Variants in ST13 observed in about 807,000 individuals in gnomAD.
The protein encoded by ST13 is hsc70-interacting protein.
In ST13, 23 loss-of-function variants were observed where a neutral mutation model predicts 56.7. The observed-to-expected ratio is 0.41, with a 90% confidence interval of 0.29 to 0.57. The LOEUF is 0.57. Ranked by LOEUF, ST13 falls within the 20% of genes least tolerant of loss-of-function variation. The pLI is 0.36. For synonymous variants in ST13, 132 were observed against 142.4 expected (o/e 0.93, Z 0.52); for missense variants, 369 against 459.9 (o/e 0.80, Z 1.81).
intron 2 of ST13, among the ~76,000 whole-genome samples, chr22:40,848,784 G>A (rs1430901777): frequency 6.6e-6 from 1 of 152,148 alleles, no homozygotes; most frequent in Non-Finnish European, 1.5e-5. Flanking sequence ...TTTGAACATT[G>A]ACAATAAACA....
intron 3 of ST13, among the ~76,000 whole-genome samples, chr22:40,846,718 C>A (rs929814649): frequency 1.3e-5 from 2 of 152,188 alleles, no homozygotes; most frequent in Non-Finnish European, 2.9e-5. Context: ...TCAGGCCAGG[C>A]GTGGTGGCTC....
At chr22:40,827,004 A>T (rs1332059267) in intron 11 of ST13, 92 bp downstream of exon 11, 1 of 1,386,630 alleles carries the variant, frequency 7.2e-7, no homozygotes, top group Non-Finnish European at 9.8e-7. Flanking sequence ...ATAAATAAAA[A>T]ATAGCTATGA....
At chr22:40,852,527 A>AT (rs1351522392) in intron 1 of ST13, among the ~76,000 whole-genome samples, 1 of 152,214 alleles carries the variant, frequency 6.6e-6, no homozygotes, top group African/African-American at 2.4e-5. Context: ...AAAAGTATAA[A>AT]TGCAAAGTAG....
rs755652836 is a variant in ST13 at position 40,856,564 on chromosome 22, TG to T, written c.-25del. 2 of 1,592,586 alleles carry T rather than the reference TG, an allele frequency of 1.3e-6. No homozygotes were observed. The highest frequency in any genetic ancestry group is 8.6e-7 in the Non-Finnish European group (1 of 1,162,956). The stretch of plus-strand genomic sequence containing the variant: ...ATGGTAGGGAGGTGGTGGGCGAAAC[TG>T]GGGGGGCTACGGCCCGGTTCCAGGC... On this transcript the variant is annotated 5_prime_UTR_variant, in exon 1 of 12. Coordinates refer to ENST00000216218, the MANE Select transcript of ST13 (RefSeq NM_003932.5).
intron 1 of ST13, among the ~76,000 whole-genome samples, chr22:40,852,880 C>T (rs948880421): frequency 6.6e-6 from 1 of 152,092 alleles, no homozygotes; most frequent in Non-Finnish European, 1.5e-5. Flanking sequence ...TGTGTTCTTC[C>T]TAAGTTTCAA....
rs1479877123 is a variant in ST13, at chr22:40,856,617, CAGA to C, written c.-80_-78del. The C allele has an allele frequency of 8.5e-6, 10 of 1,171,578 alleles. No homozygotes were observed. The highest frequency in any genetic ancestry group is 5.1e-6 in the Non-Finnish European group (4 of 788,876). 72.6% of individuals were successfully genotyped at this position (1,171,578 alleles called of 1,614,324 possible). ...CAGGCGCTGGCTCGGCGTGACCGCG[CAGA>C]AGGGGGCGGCTGCCGCAAGACAGAA... On this transcript the variant is annotated 5_prime_UTR_variant, in exon 1 of 12. Coordinates refer to ENST00000216218, the MANE Select transcript of ST13 (RefSeq NM_003932.5).
intron 1 of ST13, among the ~76,000 whole-genome samples, chr22:40,855,018 G>A (rs926903707): frequency 1.8e-4 from 28 of 152,068 alleles, no homozygotes; most frequent in African/African-American, 6.8e-4. Context: ...CAATTGGTGG[G>A]GAGCTAAAAA....
chr22:40,836,926 C>T (rs993294232), intron 5 of ST13, among the ~76,000 whole-genome samples: 3 of 152,136 alleles, frequency 2.0e-5, no homozygotes, highest in African/African-American at 7.2e-5. Flanking sequence ...AGTGATCATC[C>T]CACCTCAGCT....
chr22:40,842,971 C>T (rs1319717953), intron 4 of ST13, among the ~76,000 whole-genome samples: 2 of 152,070 alleles, frequency 1.3e-5, no homozygotes, highest in African/African-American at 4.8e-5. Flanking sequence ...AAATAAAAAA[C>T]TAGCTGGACA....
intron 8 of ST13, chr22:40,832,083 T>C (rs1424619356): frequency 1.4e-5 from 6 of 426,656 alleles, no homozygotes; most frequent in South Asian, 3.4e-5. Context: ...CTTGAACTCC[T>C]GACCTCATGA....
At chr22:40,834,882 C>T (rs944319721) in intron 7 of ST13, among the ~76,000 whole-genome samples, 2 of 152,228 alleles carry the variant, frequency 1.3e-5, no homozygotes, top group African/African-American at 2.4e-5. Flanking sequence ...ACTAGAGCTA[C>T]TCTGAGTCAG....
Position 40,850,831 on chromosome 22 carries a change from T to C in ST13, c.160A>G (p.Asn54Asp). The part of the protein sequence containing the change: ...PATQKAKSEE[N>D]TKEEKPDSKK... ...ATGAAATTAAAACTTACCTTGGTAT[T>C]TTCTTCTGATTTAGCTTTCTGAGTA... The change falls in exon 2 of 12, where the codon AAT becomes GAT. Residue 54 changes from asparagine (N) to aspartate (D), a missense_variant. By Grantham distance (23) the Asn-to-Asp change is conservative. Around this residue, in one of 3 missense-constraint regions of ST13, gnomAD observed 169 missense variants for 175.6 expected, o/e 0.96. Transcript: ENST00000216218. The C allele has an allele frequency of 1.2e-6, 2 of 1,604,414 alleles. No individual in the cohort carries two copies. The highest frequency in any genetic ancestry group is 1.7e-6 in the Non-Finnish European group (2 of 1,175,838).
intron 3 of ST13, among the ~76,000 whole-genome samples, chr22:40,846,238 A>G (rs1024848756): frequency 1.3e-5 from 2 of 152,188 alleles, no homozygotes; most frequent in Non-Finnish European, 2.9e-5. Context: ...GCCTGACCTC[A>G]GGCATACCTC....
At position 40,825,297 on chromosome 22, in the gene ST13, T is replaced by A. The variant is rs1485059572; in HGVS notation, c.*1241A>T. The A allele has an allele frequency of 6.6e-6, 1 of 152,160 alleles. No homozygotes were observed. Among genetic ancestry groups the A allele is most frequent in the Non-Finnish European group, 1.5e-5 (1 of 68,022 alleles). 9.4% of individuals were successfully genotyped at this position (152,160 alleles called of 1,614,324 possible). ...AACTGTGGATTATCTCATTTATAAT[T>A]CACATTGGATAAAAAAAATCGGTTC... On this transcript the variant is annotated 3_prime_UTR_variant, in exon 12 of 12. Coordinates refer to ENST00000216218, the MANE Select transcript of ST13 (RefSeq NM_003932.5).
At chr22:40,827,350 G>A in intron 10 of ST13, 121 bp from the exon 11 acceptor site, 2 of 967,124 alleles carry the variant, frequency 2.1e-6, no homozygotes, top group Non-Finnish European at 3.1e-6. Context: ...AGTCTGAAGA[G>A]TCTGAAAATT....
chr22:40,836,976 T>G (rs1197794921), intron 5 of ST13, among the ~76,000 whole-genome samples: 1 of 152,084 alleles, frequency 6.6e-6, no homozygotes, highest in Non-Finnish European at 1.5e-5. Context: ...ACACTAAACC[T>G]GGCTAATTAA....
In ST13 at chr22:40,844,293, GCTATTA is replaced by G. The variant is rs1382170109; in HGVS notation, c.315+540_315+545del. ...GGATAAAAACCAATCTTTTAAAACT[GCTATTA>G]CTATATTAGAGTGTTTCTCAAATTT... On this transcript the variant is annotated intron_variant, in intron 4 of 11. Transcript: ENST00000216218. 2.6e-5 allele frequency among the ~76,000 whole-genome samples: 4 copies of G among 152,240 alleles called. No individual in the cohort carries two copies. In the East Asian group the frequency reaches 7.7e-4, roughly 29 times the overall value.
intron 1 of ST13, among the ~76,000 whole-genome samples, chr22:40,851,698 T>C (rs1018424293): frequency 3.3e-5 from 5 of 151,998 alleles, no homozygotes; most frequent in African/African-American, 9.7e-5. Context: ...ACAAAAGCCA[T>C]TAACTATGTA....
intron 5 of ST13, among the ~76,000 whole-genome samples, chr22:40,839,033 A>G (rs2057790426): frequency 6.6e-6 from 1 of 152,152 alleles, no homozygotes; most frequent in African/African-American, 2.4e-5. Context: ...TTAAATATAT[A>G]TGCAAAAGTT....
Sources: allele counts gnomAD v4.1 joint callset (sites outside exome capture counted in the v4.1 genomes callset), GRCh38; gene constraint gnomAD v4.1.1; regional missense constraint gnomAD v4.1.1; transcripts MANE v1.5; gene names NCBI Gene and HGNC (gene_info 2026-07-23, HGNC 2026-07-21).